Variants in CCDC18 observed in about 807,000 individuals in gnomAD.
CCDC18 encodes the protein coiled-coil domain-containing protein 18.
A neutral mutation model predicts 196.0 loss-of-function variants in CCDC18; 157 were observed. That is an observed-to-expected ratio of 0.80 (90% CI 0.70 to 0.91). The LOEUF is 0.91. CCDC18 is among the 40% of genes least tolerant of loss of function. CCDC18 has a pLI of 0.00. For synonymous variants in CCDC18, 482 were observed against 529.2 expected (o/e 0.91, Z 1.22); for missense variants, 1,465 against 1,611.6 (o/e 0.91, Z 1.56).
intron 23 of CCDC18, among the ~76,000 whole-genome samples, chr1:93,249,800 C>T (rs1232961147): frequency 1.3e-5 from 2 of 152,122 alleles, no homozygotes; most frequent in Admixed American, 1.3e-4. Flanking sequence ...TTTTAACATG[C>T]ACCTTTAGGT....
intron 23 of CCDC18, among the ~76,000 whole-genome samples, chr1:93,252,892 G>C (rs1195488413): frequency 6.6e-6 from 1 of 152,212 alleles, no homozygotes; most frequent in Admixed American, 6.5e-5. Context: ...GGGCTTCAAG[G>C]TTGACATGGC....
chr1:93,180,301 G>C (rs1278979379), upstream of CCDC18: 1 of 1,526,052 alleles, frequency 6.6e-7, no homozygotes, highest in Non-Finnish European at 8.8e-7. Flanking sequence ...TCCGCTCCGC[G>C]TTTCCTCTCT....
chr1:93,191,081 C>A, intron 4 of CCDC18: 1 of 602,784 alleles, frequency 1.7e-6, no homozygotes, highest in Non-Finnish European at 2.8e-6. Context: ...GTGCTATCAG[C>A]AAGGAGATTT....
At position 93,270,353 on chromosome 1, in the gene CCDC18, GAATT is replaced by G; in HGVS notation, c.3895_3898del (p.Leu1299ProfsTer79). On this transcript the variant is annotated frameshift_variant, in exon 28 of 29. Coordinates refer to ENST00000690025, the MANE Select transcript of CCDC18 (RefSeq NM_001378204.1). LOFTEE classifies it high-confidence loss of function. The stretch of plus-strand genomic sequence containing the variant: ...TGTACCAATTTATCTGCAGGAATCA[GAATT>G]AACCAGATTACAGGCCAAAATTTCT... 2 of 1,540,436 alleles carry G rather than the reference GAATT, an allele frequency of 1.3e-6. No homozygotes were observed. The highest frequency in any genetic ancestry group is 8.8e-7 in the Non-Finnish European group (1 of 1,139,226).
chr1:93,221,271 C>G (rs1385476258), intron 14 of CCDC18, among the ~76,000 whole-genome samples: 3 of 137,654 alleles, frequency 2.2e-5, no homozygotes, highest in Non-Finnish European at 4.5e-5. Context: ...TTCCTTTTCT[C>G]TGCAACCTCT....
chr1:93,277,669 C>T (rs1570677382), intron 28 of CCDC18, among the ~76,000 whole-genome samples: 1 of 151,428 alleles, frequency 6.6e-6, no homozygotes, highest in East Asian at 1.9e-4. Flanking sequence ...TTTCTTAGTA[C>T]ATAACAAAAT....
At position 93,217,861 on chromosome 1, in the gene CCDC18, A is replaced by G; in HGVS notation, c.1954A>G (p.Ile652Val). The change falls in exon 14 of 29, where the codon ATT becomes GTT. Residue 652 changes from isoleucine (I) to valine (V), a missense_variant. Physicochemically the swap from Ile to Val is conservative, Grantham distance 29. Coordinates refer to ENST00000690025, the MANE Select transcript of CCDC18 (RefSeq NM_001378204.1). ...ACAGCATAAAGAAATGGAAAAGCAG[A>G]TTGAAAGAGTAAGTAATACATATTT... ...LEQHKEMEKQ[I>V]ERLEAQLEKK... The G allele has an allele frequency of 6.2e-7, 1 of 1,609,646 alleles. No homozygotes were observed. The highest frequency in any genetic ancestry group is 8.5e-7 in the Non-Finnish European group (1 of 1,177,586).
intron 12 of CCDC18, 42 bp downstream of exon 12, chr1:93,215,008 C>A: frequency 1.6e-6 from 2 of 1,283,084 alleles, no homozygotes; most frequent in Non-Finnish European, 2.2e-6. Flanking sequence ...AATTTTTGAA[C>A]TAGAACAAAA....
chr1:93,202,693 A>G (rs996950320), intron 7 of CCDC18, among the ~76,000 whole-genome samples: 2 of 152,194 alleles, frequency 1.3e-5, no homozygotes, highest in Admixed American at 6.5e-5. Flanking sequence ...ATGGGTGTTC[A>G]TTTATTAAAC....
In CCDC18 at chr1:93,239,410, C is replaced by T. The variant is rs201843311; in HGVS notation, c.2704C>T (p.Leu902Phe). Residue 902 changes from leucine to phenylalanine, a missense_variant, in exon 20 of 29, where the codon CTC becomes TTC. Transcript: ENST00000690025. ...AGATGGAGAAAATAAAGCAATGCAC[C>T]TCTCTCAATTAGATATGATCTTAGA... ...KRDGENKAMHLSQLDMILDQT... is the reference protein window; with the variant it reads ...KRDGENKAMHFSQLDMILDQT... The T allele has an allele frequency of 2.0e-5, 33 of 1,612,856 alleles. No individual in the cohort carries two copies. Among genetic ancestry groups the T allele is most frequent in the Non-Finnish European group, 9.3e-6 (11 of 1,179,468 alleles).
intron 6 of CCDC18, among the ~76,000 whole-genome samples, chr1:93,197,086 A>C (rs1652848768): frequency 6.6e-6 from 1 of 152,228 alleles, no homozygotes; most frequent in Non-Finnish European, 1.5e-5. Flanking sequence ...CTGAAAATTA[A>C]TGAACTGAAA....
At chr1:93,233,900 A>G (rs1050001969) in intron 18 of CCDC18, among the ~76,000 whole-genome samples, 1 of 149,530 alleles carries the variant, frequency 6.7e-6, no homozygotes, top group South Asian at 2.1e-4. Context: ...CCTGGCCTCT[A>G]TTTTTTTTCA....
At chr1:93,180,521 T>G (rs765110176), upstream of CCDC18, 1 of 1,528,428 alleles carries the variant, frequency 6.5e-7, no homozygotes, top group South Asian at 1.1e-5. Flanking sequence ...CCTGACGGCC[T>G]CCGGTTCCCA....
At chr1:93,258,211 T>C (rs1570605862) in intron 25 of CCDC18, among the ~76,000 whole-genome samples, 1 of 152,112 alleles carries the variant, frequency 6.6e-6, no homozygotes, top group Non-Finnish European at 1.5e-5. Context: ...TCTAATTGGA[T>C]AGCAAAATGT....
chr1:93,261,598 G>A (rs888121113), intron 26 of CCDC18, among the ~76,000 whole-genome samples: 8 of 151,846 alleles, frequency 5.3e-5, no homozygotes, highest in Admixed American at 1.3e-4. Context: ...AGCAAGACAT[G>A]GTCCCCACAA....
rs1158718899 is a variant in CCDC18 at position 93,270,547 on chromosome 1, C to A, written c.4086C>A (p.Phe1362Leu). The A allele has an allele frequency of 6.5e-7, 1 of 1,550,376 alleles. No individual in the cohort carries two copies. Among genetic ancestry groups the A allele is most frequent in the Non-Finnish European group, 8.7e-7 (1 of 1,146,910 alleles). The change falls in exon 28 of 29, where the codon TTC becomes TTA. Residue 1362 changes from phenylalanine (F) to leucine (L), a missense_variant. Phe to Leu is a conservative substitution (Grantham distance 22). Transcript: ENST00000690025. ...RRSISASDLT[F>L]KIHGDEDLSE... ...CTATTAGTGCCAGTGATCTTACTTT[C>A]AAAATTCATGGTGATGAAGATCTTT...
chr1:93,260,900 A>AGAG (rs1333426590), intron 26 of CCDC18, among the ~76,000 whole-genome samples: 1 of 152,192 alleles, frequency 6.6e-6, no homozygotes, highest in Non-Finnish European at 1.5e-5. Context: ...TAATTTGCTG[A>AGAG]GAATGATGGT....
chr1:93,232,735 C>CCCAAGTGGG, intron 18 of CCDC18, 142 bp downstream of exon 18: 1 of 607,640 alleles, frequency 1.6e-6, no homozygotes, highest in Non-Finnish European at 2.8e-6. Context: ...CTTTGGGAGG[C>CCCAAGTGGG]TGAGGCAGGC....
intron 6 of CCDC18, among the ~76,000 whole-genome samples, chr1:93,198,194 A>G (rs1002307811): frequency 6.6e-6 from 1 of 152,230 alleles, no homozygotes; most frequent in African/African-American, 2.4e-5. Context: ...ATTAAAAGAC[A>G]TGTACAAGAA....
Sources: gnomAD v4.1 joint callset for allele counts (sites outside exome capture counted in the v4.1 genomes callset) on GRCh38, gnomAD v4.1.1 for gene constraint, MANE v1.5 for transcripts, NCBI Gene and HGNC (gene_info 2026-07-23, HGNC 2026-07-21) for gene names.